The following CASQ2 variants were observed in gnomAD, a reference collection of about 807,000 sequenced individuals.
CASQ2 encodes calsequestrin-2.
CASQ2 carries 49 observed loss-of-function variants against 46.5 expected under a neutral mutation model. The observed-to-expected ratio is 1.05, with a 90% CI of 0.84 to 1.34. CASQ2 has a LOEUF of 1.34. Ranked by LOEUF, CASQ2 falls within the 40% of genes most tolerant of loss-of-function variation. The pLI is 0.00. For synonymous variants in CASQ2, 174 were observed against 168.5 expected (o/e 1.03, Z -0.25); for missense variants, 486 against 481.3 (o/e 1.01, Z -0.09).
At chr1:115,704,448 G>A (rs1340319063) in intron 9 of CASQ2, among the ~76,000 whole-genome samples, 2 of 152,134 alleles carry the variant, frequency 1.3e-5, no homozygotes, top group Non-Finnish European at 2.9e-5. Context: ...ACTTCACAGG[G>A]TTGTTGAGAG....
At chr1:115,739,233 TC>T (rs1648082576) in intron 3 of CASQ2, among the ~76,000 whole-genome samples, 1 of 150,362 alleles carries the variant, frequency 6.7e-6, no homozygotes, top group Non-Finnish European at 1.5e-5. Context: ...TGCCTTAGCC[TC>T]CCGAGTAGCT....
intron 1 of CASQ2, among the ~76,000 whole-genome samples, chr1:115,749,789 C>T (rs1648513872): frequency 6.6e-5 from 10 of 152,170 alleles, no homozygotes; most frequent in Admixed American, 6.5e-4. Context: ...TTACTTTGGC[C>T]CTAAATCTGC....
At chr1:115,760,858 C>T (rs756114881) in intron 1 of CASQ2, among the ~76,000 whole-genome samples, 5 of 152,174 alleles carry the variant, frequency 3.3e-5, no homozygotes, top group Non-Finnish European at 5.9e-5. Context: ...ATACTTCAAG[C>T]ACTCAATTAG....
chr1:115,756,090 A>G (rs1002824437), intron 1 of CASQ2, among the ~76,000 whole-genome samples: 7 of 152,210 alleles, frequency 4.6e-5, no homozygotes, highest in African/African-American at 1.7e-4. Flanking sequence ...TATAGGTAGA[A>G]GCAGGTGAGC....
intron 8 of CASQ2, among the ~76,000 whole-genome samples, chr1:115,705,901 C>T (rs1654344783): frequency 6.9e-6 from 1 of 145,106 alleles, no homozygotes; most frequent in Non-Finnish European, 1.5e-5. Context: ...TGGGATGATT[C>T]CTAAGAAAAG....
intron 1 of CASQ2, among the ~76,000 whole-genome samples, chr1:115,765,631 T>C (rs891092190): frequency 1.3e-5 from 2 of 152,058 alleles, no homozygotes; most frequent in East Asian, 1.9e-4. Context: ...ATAATAAGTA[T>C]AGTTCATATG....
chr1:115,704,891 T>C (rs547805610), intron 9 of CASQ2, among the ~76,000 whole-genome samples: 1 of 152,162 alleles, frequency 6.6e-6, no homozygotes, highest in Non-Finnish European at 1.5e-5. Flanking sequence ...GGACTGGGAA[T>C]GGAGTGATGA....
chr1:115,744,527 T>C (rs889930178), intron 2 of CASQ2, among the ~76,000 whole-genome samples: 2 of 152,224 alleles, frequency 1.3e-5, no homozygotes, highest in Admixed American at 1.3e-4. Flanking sequence ...AGCTGGACTT[T>C]TAGCTTGCTT....
At chr1:115,751,020 G>A (rs1025697492) in intron 1 of CASQ2, among the ~76,000 whole-genome samples, 3 of 146,404 alleles carry the variant, frequency 2.0e-5, no homozygotes, top group Non-Finnish European at 4.6e-5. Context: ...TCAGAGACCC[G>A]TATTATTGAC....
At chr1:115,751,985 C>T (rs1216381044) in intron 1 of CASQ2, among the ~76,000 whole-genome samples, 1 of 152,206 alleles carries the variant, frequency 6.6e-6, no homozygotes, top group Non-Finnish European at 1.5e-5. Flanking sequence ...CACAGGATCA[C>T]CTCCTTCAGC....
At chr1:115,742,668 AT>A (rs1648230597) in intron 2 of CASQ2, among the ~76,000 whole-genome samples, 1 of 152,150 alleles carries the variant, frequency 6.6e-6, no homozygotes, top group East Asian at 1.9e-4. Context: ...CTCTAACTAA[AT>A]TTGCTGGAAA....
At chr1:115,712,658 C>T (rs796846382) in intron 8 of CASQ2, among the ~76,000 whole-genome samples, 65 of 152,188 alleles carry the variant, frequency 4.3e-4, no homozygotes, top group African/African-American at 1.4e-3. Flanking sequence ...GGCACAGTGG[C>T]TCACACCCAT....
intron 1 of CASQ2, among the ~76,000 whole-genome samples, chr1:115,763,020 G>A (rs1307028815): frequency 1.3e-5 from 2 of 152,176 alleles, no homozygotes; most frequent in Admixed American, 6.5e-5. Context: ...TTTTTGAGTC[G>A]CAAGCAGTTT....
At chr1:115,745,033 AC>A (rs1318916718) in intron 1 of CASQ2, 121 bp from the exon 2 acceptor site, 2 of 739,966 alleles carry the variant, frequency 2.7e-6, no homozygotes, top group Admixed American at 4.0e-5. Context: ...TTACTATGTG[AC>A]CAAGTTGAGC....
rs924240788 is a variant in CASQ2 at position 115,733,101 on chromosome 1, G to T, written c.533-127C>A. On this transcript the variant is annotated intron_variant, in intron 4 of 10. Transcript: ENST00000261448. The stretch of plus-strand genomic sequence containing the variant: ...ATTGGATAATAATTTAGTAGGTATT[G>T]TTTACATAGATGTTATTTAATATTA... The T allele has an allele frequency of 6.2e-6, 4 of 642,768 alleles. No homozygotes were observed. In the Admixed American group the frequency reaches 7.9e-5, roughly 13 times the overall value. 39.8% of individuals were successfully genotyped at this position (642,768 alleles called of 1,614,324 possible). A position where few individuals can be genotyped will look rare whatever the true frequency, so the allele number is the denominator to read the frequency against.
intron 2 of CASQ2, among the ~76,000 whole-genome samples, chr1:115,742,677 A>G (rs1160561864): frequency 6.6e-6 from 1 of 152,200 alleles, no homozygotes; most frequent in Non-Finnish European, 1.5e-5. Context: ...AATTTGCTGG[A>G]AATTCTCCCA....
Position 115,740,720 on chromosome 1 carries a change from A to G in CASQ2, c.420+8T>C. ...CTCCATGCAGGGTCACTGTGTATAA[A>G]TACTTACATCCAAGAGGAACTCCAC... On this transcript the variant is annotated splice_region_variant and intron_variant, in intron 3 of 10. Transcript: ENST00000261448. 1 of 1,567,080 alleles carries G rather than the reference A, an allele frequency of 6.4e-7. No homozygotes were observed. Among genetic ancestry groups the G allele is most frequent in the Non-Finnish European group, 8.8e-7 (1 of 1,137,020 alleles).
At chr1:115,759,255 A>G (rs1460429104) in intron 1 of CASQ2, among the ~76,000 whole-genome samples, 1 of 152,240 alleles carries the variant, frequency 6.6e-6, no homozygotes, top group Non-Finnish European at 1.5e-5. Context: ...GTTCAGCAGT[A>G]GGGTCTAGTC....
intron 8 of CASQ2, among the ~76,000 whole-genome samples, chr1:115,710,318 T>G (rs1373768271): frequency 2.0e-5 from 3 of 152,180 alleles, no homozygotes; most frequent in Non-Finnish European, 4.4e-5. Context: ...TTAAAGAGGA[T>G]GGAATTAAGA....
Sources: allele counts gnomAD v4.1 joint callset (sites outside exome capture counted in the v4.1 genomes callset), GRCh38; gene constraint gnomAD v4.1.1; transcripts MANE v1.5; gene names NCBI Gene and HGNC (gene_info 2026-07-23, HGNC 2026-07-21).